The following DLG2 variants were observed in gnomAD, a reference collection of about 807,000 sequenced individuals.
DLG2 encodes discs large MAGUK scaffold protein 2.
A neutral mutation model predicts 132.5 loss-of-function variants in DLG2; 45 were observed. The observed-to-expected ratio is 0.34, with a 90% CI of 0.27 to 0.44. The LOEUF is 0.44. Ranked by LOEUF, DLG2 falls within the 20% of genes least tolerant of loss-of-function variation. DLG2 has a pLI of 1.00. For synonymous variants in DLG2, 424 were observed against 419.6 expected (o/e 1.01, Z -0.13); for missense variants, 1,045 against 1,196.9 (o/e 0.87, Z 1.87).
intron 3 of DLG2, among the ~76,000 whole-genome samples, chr11:85,481,591 T>C (rs1014874304): frequency 1.3e-5 from 2 of 151,978 alleles, no homozygotes; most frequent in Admixed American, 6.6e-5. Flanking sequence ...CAATAAAGCC[T>C]AGCACCAGGA....
chr11:84,138,472 G>T (rs1014066), intron 9 of DLG2, among the ~76,000 whole-genome samples: 131,148 of 152,160 alleles, frequency 0.86, 56,804 homozygotes, highest in Middle Eastern at 0.93. Context: ...TTGTAATGTC[G>T]ATCAAACCAA....
At chr11:84,535,145 A>G (rs192307176) in intron 6 of DLG2, among the ~76,000 whole-genome samples, 192 of 152,354 alleles carry the variant, frequency 1.3e-3, no homozygotes, top group African/African-American at 4.5e-3. Flanking sequence ...CAGAATTCCA[A>G]TATATCCCAT....
intron 4 of DLG2, among the ~76,000 whole-genome samples, chr11:85,239,283 T>G (rs1241133663): frequency 6.6e-6 from 1 of 152,124 alleles, no homozygotes; most frequent in Non-Finnish European, 1.5e-5. Context: ...TAATGCTGCA[T>G]CTTTACATTT....
At chr11:84,032,716 T>C (rs1268590232) in intron 11 of DLG2, among the ~76,000 whole-genome samples, 2 of 152,286 alleles carry the variant, frequency 1.3e-5, no homozygotes, top group East Asian at 1.9e-4. Flanking sequence ...TTTAGGACTT[T>C]CGTAGCTAGA....
intron 7 of DLG2, among the ~76,000 whole-genome samples, chr11:84,375,346 C>T (rs766747686): frequency 1.4e-4 from 22 of 152,062 alleles, no homozygotes; most frequent in Admixed American, 3.3e-4. Flanking sequence ...ATAATTATTG[C>T]GCTGTTTTTG....
intron 16 of DLG2, among the ~76,000 whole-genome samples, chr11:83,870,975 TTC>T (rs1232516057): frequency 6.6e-6 from 1 of 152,206 alleles, no homozygotes; most frequent in African/African-American, 2.4e-5. Flanking sequence ...ACAACCCTGT[TTC>T]CATAGGTGAT....
In DLG2 at chr11:83,817,160, T is replaced by C. The variant is rs1021911447; in HGVS notation, c.1722+16454A>G. Among the ~76,000 whole-genome samples the C allele has an allele frequency of 3.3e-5, 5 of 152,308 alleles. No homozygotes were observed. The East Asian group carries it at 9.7e-4, about 29-fold the overall frequency. ...AGTAAGGAAAATGGAGTACTAAACATGTCTTTAAAAATTAACATGGTAAGT... is the reference window on the plus strand; with the variant it reads ...AGTAAGGAAAATGGAGTACTAAACACGTCTTTAAAAATTAACATGGTAAGT... On this transcript the variant is annotated intron_variant, in intron 17 of 27. Transcript: ENST00000376104.
At chr11:84,269,569 T>C (rs2097692768) in intron 7 of DLG2, among the ~76,000 whole-genome samples, 1 of 152,208 alleles carries the variant, frequency 6.6e-6, no homozygotes, top group Admixed American at 6.5e-5. Context: ...AATTTGAAAA[T>C]TCTTGGGGGC....
At chr11:84,369,299 T>G (rs1411469599) in intron 7 of DLG2, among the ~76,000 whole-genome samples, 2 of 152,182 alleles carry the variant, frequency 1.3e-5, no homozygotes, top group Non-Finnish European at 2.9e-5. Flanking sequence ...ACTCATTTTT[T>G]AAACCACTGT....
intron 4 of DLG2, among the ~76,000 whole-genome samples, chr11:85,215,033 T>C (rs960749836): frequency 1.3e-5 from 2 of 152,298 alleles, no homozygotes; most frequent in African/African-American, 4.8e-5. Flanking sequence ...TGACCTATTT[T>C]CATACCAGTG....
chr11:85,547,692 C>A (rs2076419474), intron 3 of DLG2, among the ~76,000 whole-genome samples: 2 of 152,142 alleles, frequency 1.3e-5, no homozygotes, highest in African/African-American at 2.4e-5. Flanking sequence ...TCTTTTCACT[C>A]TTTTTTCTCT....
At chr11:84,402,403 G>A (rs1007620224) in intron 7 of DLG2, among the ~76,000 whole-genome samples, 1 of 152,166 alleles carries the variant, frequency 6.6e-6, no homozygotes, top group Non-Finnish European at 1.5e-5. Flanking sequence ...ATTTAAGGCT[G>A]ATTGATATTA....
intron 3 of DLG2, among the ~76,000 whole-genome samples, chr11:85,521,572 A>C (rs903594295): frequency 6.6e-6 from 1 of 152,216 alleles, no homozygotes; most frequent in Non-Finnish European, 1.5e-5. Flanking sequence ...GCTAACAGAC[A>C]GAGGTTGGAA....
At chr11:84,622,236 C>A (rs973558892) in intron 6 of DLG2, among the ~76,000 whole-genome samples, 3 of 152,110 alleles carry the variant, frequency 2.0e-5, no homozygotes, top group Non-Finnish European at 4.4e-5. Flanking sequence ...TTTGGAAGTA[C>A]CTTTATCCTG....
At chr11:85,549,880 T>C (rs2076566209) in intron 3 of DLG2, among the ~76,000 whole-genome samples, 1 of 152,168 alleles carries the variant, frequency 6.6e-6, no homozygotes, top group Admixed American at 6.5e-5. Context: ...AGTTACCCTA[T>C]ACAGTCTAAA....
At chr11:83,947,295 T>C in intron 14 of DLG2, among the ~76,000 whole-genome samples, 1 of 152,232 alleles carries the variant, frequency 6.6e-6, no homozygotes, top group East Asian at 1.9e-4. Flanking sequence ...ACTTTTCTTT[T>C]TGCATGACTT....
intron 12 of DLG2, among the ~76,000 whole-genome samples, chr11:83,968,772 C>T (rs1311255226): frequency 6.6e-6 from 1 of 152,060 alleles, no homozygotes; most frequent in Admixed American, 6.6e-5. Flanking sequence ...GCTCCAGAAA[C>T]CATGCTGTTA....
chr11:85,455,923 C>T (rs1363538021), intron 3 of DLG2, among the ~76,000 whole-genome samples: 4 of 151,996 alleles, frequency 2.6e-5, no homozygotes. Flanking sequence ...CAGTTTGCTA[C>T]TATTTTGTTG....
intron 14 of DLG2, among the ~76,000 whole-genome samples, chr11:83,952,334 G>A (rs1398096698): frequency 6.6e-6 from 1 of 152,104 alleles, no homozygotes; most frequent in Non-Finnish European, 1.5e-5. Context: ...GGGAAAGAGT[G>A]AGACCCTGCC....
Sources: allele counts gnomAD v4.1 joint callset (sites outside exome capture counted in the v4.1 genomes callset), GRCh38; gene constraint gnomAD v4.1.1; transcripts MANE v1.5; gene names NCBI Gene and HGNC (gene_info 2026-07-23, HGNC 2026-07-21).